The following TES variants were observed in gnomAD, a reference collection of about 807,000 sequenced individuals.
TES encodes testin.
Under a neutral mutation model 48.2 loss-of-function variants are expected in TES, and 41 were observed. That is an observed-to-expected ratio of 0.85 (90% CI 0.66 to 1.10). The LOEUF is 1.10. TES is among the 50% of genes least tolerant of loss of function. The pLI is 0.00. For missense variants in TES, 463 were observed against 515.1 expected (o/e 0.90, Z 0.98); for synonymous variants, 162 against 174.9 (o/e 0.93, Z 0.58).
intron 2 of TES, among the ~76,000 whole-genome samples, chr7:116,235,741 C>T (rs548231303): frequency 1.3e-5 from 2 of 152,302 alleles, no homozygotes; most frequent in African/African-American, 2.4e-5. Flanking sequence ...GGATGACTCT[C>T]ATTTGAGAAA....
At chr7:116,242,049 G>T (rs532625904) in intron 2 of TES, among the ~76,000 whole-genome samples, 9 of 151,834 alleles carry the variant, frequency 5.9e-5, no homozygotes, top group Admixed American at 5.9e-4. Flanking sequence ...TTATTTTGTG[G>T]TATTCATGTT....
intron 1 of TES, among the ~76,000 whole-genome samples, chr7:116,228,578 C>CAG (rs1435171259): frequency 1.3e-5 from 2 of 152,108 alleles, no homozygotes; most frequent in African/African-American, 4.8e-5. Context: ...TAATTACGTG[C>CAG]AACAGGACTG....
In TES at chr7:116,251,944, G is replaced by A; in HGVS notation, c.887G>A (p.Ser296Asn). The stretch of plus-strand genomic sequence containing the variant: ...TACTGTGGCAGACATTACTGTGACA[G>A]CGAGAAACCCCGATGTGCTGGCTGT... ...KLYCGRHYCD[S>N]EKPRCAGCDE... Residue 296 changes from serine (S) to asparagine (N), a missense_variant, in exon 5 of 7, where the codon AGC (serine) becomes AAC (asparagine). Ser to Asn is a conservative substitution (Grantham distance 46). Coordinates refer to ENST00000358204, the MANE Select transcript of TES (RefSeq NM_015641.4). The A allele has an allele frequency of 6.2e-7, 1 of 1,614,210 alleles. No individual in the cohort carries two copies. Among genetic ancestry groups the A allele is most frequent in the Non-Finnish European group, 8.5e-7 (1 of 1,180,034 alleles).
rs1800029220 is a variant in TES, at chr7:116,252,402, C to G, written c.1003C>G (p.Leu335Val). ...HFCCFDCDSI[L>V]AGEIYVMVND... ...CTGCTGCTTTGACTGTGATAGCATT[C>G]TAGCTGGGGAGATATACGTGATGGT... The change falls in exon 6 of 7, where the codon CTA becomes GTA. Residue 335 changes from leucine (L) to valine (V), a missense_variant. Transcript: ENST00000358204. The G allele has an allele frequency of 8.7e-6, 14 of 1,614,196 alleles. No individual in the cohort carries two copies. Among genetic ancestry groups the G allele is most frequent in the African/African-American group, 2.7e-5 (2 of 75,052 alleles).
At chr7:116,227,852 A>G (rs1335779544) in intron 1 of TES, among the ~76,000 whole-genome samples, 2 of 152,116 alleles carry the variant, frequency 1.3e-5, no homozygotes, top group Admixed American at 6.5e-5. Flanking sequence ...TAGTAACCAC[A>G]TAGGATTCTT....
At position 116,210,597 on chromosome 7, in the gene TES, C is replaced by A. The variant is rs960375166; in HGVS notation, c.-111C>A. On this transcript the variant is annotated 5_prime_UTR_variant, in exon 1 of 7. Coordinates refer to ENST00000358204, the MANE Select transcript of TES (RefSeq NM_015641.4). ...CGCCGGGCGAGTGGCTGTTGAGCGG[C>A]GCCGCGGGAGTTCCGCAGGTTTCCC... is the stretch of plus-strand genomic sequence containing the variant. 8.5e-7 allele frequency: 1 copy of A among 1,172,524 alleles called. No individual in the cohort carries two copies. The highest frequency in any genetic ancestry group is 1.1e-6 in the Non-Finnish European group (1 of 914,314). The allele number at this position is 1,172,524 out of a possible 1,614,324, so 72.6% of individuals were successfully genotyped here.
intron 2 of TES, among the ~76,000 whole-genome samples, chr7:116,246,947 C>CCTTTT: frequency 7.6e-6 from 1 of 131,492 alleles, no homozygotes; most frequent in African/African-American, 2.9e-5. Flanking sequence ...GACTAGGCCC[C>CCTTTT]TTTTTTTTTT....
intron 2 of TES, among the ~76,000 whole-genome samples, chr7:116,246,158 A>G (rs1224602168): frequency 6.6e-6 from 1 of 152,182 alleles, no homozygotes; most frequent in East Asian, 1.9e-4. Context: ...TTTTTTGTTC[A>G]AGGAGACCTC....
intron 1 of TES, among the ~76,000 whole-genome samples, chr7:116,229,033 T>TATATATATATATATATATATAA (rs1417517023): frequency 9.6e-4 from 111 of 115,334 alleles, no homozygotes; most frequent in East Asian, 2.1e-3. Flanking sequence ...TATATATATA[T>TATATATATATATATATATATAA]AATCATTTCC....
In TES at chr7:116,255,538, C is replaced by T. The variant is rs139678615; in HGVS notation, c.1078-1756C>T. On this transcript the variant is annotated intron_variant, in intron 6 of 6. Coordinates refer to ENST00000358204, the MANE Select transcript of TES (RefSeq NM_015641.4). ...TAATTCTCTATACCATTTATGTGTA[C>T]TAATTATCTTTTTGCTTAATTTTCT... Among the ~76,000 whole-genome samples the T allele has an allele frequency of 7.0e-4, 107 of 152,242 alleles. 1 individual carries two copies. Among genetic ancestry groups the T allele is most frequent in the African/African-American group, 2.2e-3 (90 of 41,562 alleles).
chr7:116,218,679 C>T lies in TES; in HGVS notation c.27+7945C>T, dbSNP rs887290527. 4.7e-5 allele frequency among the ~76,000 whole-genome samples: 7 copies of T among 148,994 alleles called. No individual in the cohort carries two copies. In the East Asian group the frequency reaches 1.2e-3, roughly 25 times the overall value. ...CAGTATCACCTCTTGAGCAAAATAC[C>T]GATGTCACCTTTGATAGATTTTTTT... On this transcript the variant is annotated intron_variant, in intron 1 of 6. Transcript: ENST00000358204.
At chr7:116,226,095 C>CT (rs1481327815) in intron 1 of TES, among the ~76,000 whole-genome samples, 2 of 152,124 alleles carry the variant, frequency 1.3e-5, no homozygotes, top group Non-Finnish European at 2.9e-5. Context: ...CTTCCAGTGT[C>CT]TTTTTGTGTG....
intron 1 of TES, among the ~76,000 whole-genome samples, chr7:116,221,919 A>G (rs900742680): frequency 1.3e-5 from 2 of 152,206 alleles, no homozygotes; most frequent in African/African-American, 4.8e-5. Flanking sequence ...CAAATTTTAA[A>G]TGATGTCTGT....
intron 3 of TES, 170 bp from the exon 4 acceptor site, chr7:116,249,991 A>G: frequency 2.3e-6 from 1 of 428,132 alleles, no homozygotes; most frequent in Non-Finnish European, 4.1e-6. Flanking sequence ...AACTAAATCT[A>G]TTTAGTGTAC....
intron 1 of TES, among the ~76,000 whole-genome samples, chr7:116,228,841 T>C (rs1554436665): frequency 2.6e-5 from 4 of 151,738 alleles, no homozygotes; most frequent in Non-Finnish European, 5.9e-5. Context: ...TAGTTTAATT[T>C]CCTCATTATC....
intron 1 of TES, among the ~76,000 whole-genome samples, chr7:116,233,550 C>G (rs936513637): frequency 6.6e-6 from 1 of 152,134 alleles, no homozygotes; most frequent in African/African-American, 2.4e-5. Context: ...TTCATAGTCT[C>G]TGAGTTTCAG....
At chr7:116,230,206 A>G (rs562171753) in intron 1 of TES, among the ~76,000 whole-genome samples, 16 of 152,270 alleles carry the variant, frequency 1.1e-4, no homozygotes, top group African/African-American at 3.4e-4. Flanking sequence ...AGTGTATCAT[A>G]TTGCCGTGAC....
In TES at chr7:116,257,330, G is replaced by A; in HGVS notation, c.1114G>A (p.Val372Met). 1 of 1,613,538 alleles carries A rather than the reference G, an allele frequency of 6.2e-7. No individual in the cohort carries two copies. Among genetic ancestry groups the A allele is most frequent in the Non-Finnish European group, 8.5e-7 (1 of 1,179,798 alleles). The change falls in exon 7 of 7, where the codon GTG becomes ATG. Residue 372 changes from valine (V) to methionine (M), a missense_variant. Val to Met is a conservative substitution (Grantham distance 21). Transcript: ENST00000358204. ...QGCHNAIDPE[V>M]QRVTYNNFSW... is the part of the protein sequence containing the mutation. ...ATGCCACAATGCCATCGACCCAGAA[G>A]TGCAGCGGGTGACCTATAACAATTT... is the stretch of plus-strand genomic sequence containing the variant.
chr7:116,247,384 T>A (rs913589742), intron 2 of TES, among the ~76,000 whole-genome samples: 1 of 152,160 alleles, frequency 6.6e-6, no homozygotes, highest in Non-Finnish European at 1.5e-5. Flanking sequence ...AAACATATAA[T>A]TTTTGTGGTT....
Sources: gnomAD v4.1 joint callset for allele counts (sites outside exome capture counted in the v4.1 genomes callset) on GRCh38, gnomAD v4.1.1 for gene constraint, MANE v1.5 for transcripts, NCBI Gene and HGNC (gene_info 2026-07-23, HGNC 2026-07-21) for gene names.